The following TMEM63C variants were observed in gnomAD, a reference collection of about 807,000 sequenced individuals.
TMEM63C encodes osmosensitive cation channel TMEM63C.
In TMEM63C, 32 loss-of-function variants were observed where a neutral mutation model predicts 99.2. That is an observed-to-expected ratio of 0.32 (90% confidence interval 0.24 to 0.43). TMEM63C has a LOEUF of 0.43. Ranked by LOEUF, TMEM63C falls within the 20% of genes least tolerant of loss-of-function variation. TMEM63C has a pLI of 1.00. For missense variants in TMEM63C, 826 were observed against 1,053.0 expected (o/e 0.78, Z 2.98); for synonymous variants, 376 against 397.9 (o/e 0.94, Z 0.66).
chr14:77,246,747 G>A, intron 18 of TMEM63C, 73 bp downstream of exon 18: 3 of 1,272,682 alleles, frequency 2.4e-6, no homozygotes, highest in Non-Finnish European at 2.2e-6. Context: ...TCTTCCCTGA[G>A]TCCAGCACCT....
intron 1 of TMEM63C, among the ~76,000 whole-genome samples, chr14:77,203,767 G>C (rs917508687): frequency 6.6e-6 from 1 of 152,262 alleles, no homozygotes; most frequent in Admixed American, 6.5e-5. Flanking sequence ...GGTTGGATCT[G>C]AGTGTGACTG....
chr14:77,202,945 C>G (rs77007368), intron 1 of TMEM63C, among the ~76,000 whole-genome samples: 5,393 of 152,254 alleles, frequency 0.035, 171 homozygotes, highest in African/African-American at 0.085. Context: ...GAGCTATCCA[C>G]TCCTCCTCTC....
At chr14:77,225,381 C>A (rs767237433) in intron 5 of TMEM63C, 43 bp from the exon 6 acceptor site, 7 of 1,607,718 alleles carry the variant, frequency 4.4e-6, no homozygotes, top group Non-Finnish European at 4.2e-6. Context: ...GCAGGGCAGG[C>A]CAGGACCTGG....
chr14:77,218,772 A>G (rs2140108376), intron 2 of TMEM63C, 29 bp from the exon 3 acceptor site: 2 of 1,609,430 alleles, frequency 1.2e-6, no homozygotes, highest in Non-Finnish European at 8.5e-7. Context: ...GAGTCTTTGC[A>G]TCTGACCTGG....
At chr14:77,212,527 C>G (rs554680220) in intron 1 of TMEM63C, among the ~76,000 whole-genome samples, 3 of 152,348 alleles carry the variant, frequency 2.0e-5, no homozygotes, top group African/African-American at 7.2e-5. Flanking sequence ...GTGCTTTAGT[C>G]TCCAGTAAGC....
rs186837712 is a variant in TMEM63C, at chr14:77,212,854, A to G, written c.-76-592A>G. On this transcript the variant is annotated intron_variant, in intron 1 of 23. Coordinates refer to ENST00000298351, the MANE Select transcript of TMEM63C (RefSeq NM_020431.4). ...GATGGAATTCCCCACCTCCTGCCCAACTCCAAGCTTAGTGGCTGGGGCCTT... is the reference window on the plus strand; with the variant it reads ...GATGGAATTCCCCACCTCCTGCCCAGCTCCAAGCTTAGTGGCTGGGGCCTT... Among the ~76,000 whole-genome samples the G allele has an allele frequency of 1.7e-3, 266 of 152,134 alleles. 4 individuals carry two copies. Among genetic ancestry groups the G allele is most frequent in the Non-Finnish European group, 2.6e-4 (18 of 67,982 alleles).
At chr14:77,187,484 C>T (rs973659223) in intron 1 of TMEM63C, among the ~76,000 whole-genome samples, 4 of 152,194 alleles carry the variant, frequency 2.6e-5, no homozygotes, top group East Asian at 3.9e-4. Context: ...GAAGGGGACT[C>T]GGCAAGGCCA....
intron 5 of TMEM63C, among the ~76,000 whole-genome samples, chr14:77,222,624 C>A (rs1201845918): frequency 6.6e-6 from 1 of 152,158 alleles, no homozygotes; most frequent in Non-Finnish European, 1.5e-5. Context: ...CCTATCCCTG[C>A]CACATGAGTC....
intron 13 of TMEM63C, 60 bp from the exon 14 acceptor site, chr14:77,242,287 T>C (rs924559109): frequency 1.3e-6 from 2 of 1,590,134 alleles, no homozygotes; most frequent in African/African-American, 2.7e-5. Context: ...CATGAGACCC[T>C]CCTAAGCCCA....
At chr14:77,232,327 G>A (rs181802854) in intron 7 of TMEM63C, among the ~76,000 whole-genome samples, 37 of 151,832 alleles carry the variant, frequency 2.4e-4, no homozygotes, top group African/African-American at 6.8e-4. Context: ...TGCTATTGTT[G>A]CCCAGGCTGG....
intron 1 of TMEM63C, among the ~76,000 whole-genome samples, chr14:77,196,664 G>A (rs1861420): frequency 0.32 from 49,047 of 152,150 alleles, 9,429 homozygotes; most frequent in East Asian, 0.67. Context: ...CTCTAGGAAA[G>A]GATTAAGACA....
chr14:77,226,339 G>A (rs1341415922), intron 6 of TMEM63C, among the ~76,000 whole-genome samples: 1 of 152,198 alleles, frequency 6.6e-6, no homozygotes, highest in Non-Finnish European at 1.5e-5. Context: ...CGTGCATCCA[G>A]CAGCTCTTGA....
chr14:77,253,400 G>A (rs781645429), intron 23 of TMEM63C, 24 bp downstream of exon 23: 2 of 1,590,914 alleles, frequency 1.3e-6, no homozygotes, highest in Admixed American at 3.5e-5. Flanking sequence ...CCCAGGGACA[G>A]GTTGGGAGGG....
Position 77,246,492 on chromosome 14 carries a change from C to T in TMEM63C, c.1536-117C>T, listed in dbSNP as rs1024012176. 1.7e-5 allele frequency: 15 copies of T among 883,822 alleles called. No individual in the cohort carries two copies. In the Middle Eastern group the frequency reaches 1.3e-3, roughly 77 times the overall value. 54.7% of individuals were successfully genotyped at this position (883,822 alleles called of 1,614,324 possible). A position where few individuals can be genotyped will look rare whatever the true frequency, so the allele number is the denominator to read the frequency against. On this transcript the variant is annotated intron_variant, in intron 17 of 23. Transcript: ENST00000298351. ...AAGGAAGAGGGGAAGTGTGGACTGG[C>T]CAGCTGGAATAAAGCAAGGGTCTTT... is the stretch of plus-strand genomic sequence containing the variant.
chr14:77,239,914 G>A (rs1490103782), intron 12 of TMEM63C, among the ~76,000 whole-genome samples, 188 bp downstream of exon 12: 1 of 152,172 alleles, frequency 6.6e-6, no homozygotes, highest in East Asian at 1.9e-4. Context: ...CTTTCTGGAG[G>A]CCACCTTCAG....
intron 20 of TMEM63C, 39 bp downstream of exon 20, chr14:77,248,911 C>A: frequency 6.5e-7 from 1 of 1,527,448 alleles, no homozygotes; most frequent in South Asian, 1.1e-5. Flanking sequence ...GCTGCACATC[C>A]GCAGATGGGG....
chr14:77,194,815 C>G (rs1888188974), intron 1 of TMEM63C, among the ~76,000 whole-genome samples: 1 of 151,596 alleles, frequency 6.6e-6, no homozygotes, highest in Non-Finnish European at 1.5e-5. Context: ...CTTGTGGGCT[C>G]AAGTGAACCT....
At chr14:77,244,586 A>G (rs1566630430) in intron 16 of TMEM63C, 131 bp downstream of exon 16, 2 of 713,530 alleles carry the variant, frequency 2.8e-6, no homozygotes, top group South Asian at 1.7e-5. Flanking sequence ...GATGGTTTTG[A>G]TACCTGAAAC....
At chr14:77,192,937 G>T (rs1888135565) in intron 1 of TMEM63C, among the ~76,000 whole-genome samples, 1 of 152,152 alleles carries the variant, frequency 6.6e-6, no homozygotes, top group African/African-American at 2.4e-5. Context: ...TTGAAAATAT[G>T]GGCAAATACT....
Sources: allele counts gnomAD v4.1 joint callset (sites outside exome capture counted in the v4.1 genomes callset), GRCh38; gene constraint gnomAD v4.1.1; transcripts MANE v1.5; gene names NCBI Gene and HGNC (gene_info 2026-07-23, HGNC 2026-07-21).